Variants in OSBPL1A observed in about 807,000 individuals in gnomAD.
The protein encoded by OSBPL1A is oxysterol-binding protein-related protein 1.
In OSBPL1A, 80 loss-of-function variants were observed where a neutral mutation model predicts 137.1. That is an observed-to-expected ratio of 0.58 (90% CI 0.49 to 0.70). OSBPL1A has a LOEUF of 0.70. Ranked by LOEUF, OSBPL1A falls within the 30% of genes least tolerant of loss-of-function variation. The pLI is 0.00. For synonymous variants in OSBPL1A, 365 were observed against 389.7 expected (o/e 0.94, Z 0.75); for missense variants, 970 against 1,129.4 (o/e 0.86, Z 2.02).
At chr18:24,235,702 T>C (rs1029047164) in intron 16 of OSBPL1A, among the ~76,000 whole-genome samples, 9 of 152,214 alleles carry the variant, frequency 5.9e-5, no homozygotes, top group Admixed American at 4.6e-4. Context: ...CAGCTGAATA[T>C]GTAAGTCTCT....
intron 1 of OSBPL1A, among the ~76,000 whole-genome samples, chr18:24,395,283 A>T (rs1334729471): frequency 6.6e-6 from 1 of 152,200 alleles, no homozygotes; most frequent in African/African-American, 2.4e-5. Context: ...TTGATATCAT[A>T]TTCTCTCTTC....
intron 4 of OSBPL1A, among the ~76,000 whole-genome samples, chr18:24,342,918 A>C (rs1167054084): frequency 6.6e-6 from 1 of 152,132 alleles, no homozygotes; most frequent in Non-Finnish European, 1.5e-5. Context: ...GTTTTTTAAA[A>C]TATCCTAATA....
chr18:24,237,559 C>T (rs947202633), intron 16 of OSBPL1A, among the ~76,000 whole-genome samples: 5 of 152,186 alleles, frequency 3.3e-5, no homozygotes, highest in Non-Finnish European at 5.9e-5. Context: ...CCTGCCTTGG[C>T]CTCCCAAAGT....
chr18:24,175,108 G>GTATATATATATATATATATA (rs71163664), intron 21 of OSBPL1A, among the ~76,000 whole-genome samples: 2 of 111,530 alleles, frequency 1.8e-5, no homozygotes, highest in Non-Finnish European at 3.3e-5. Flanking sequence ...CCATGTGTAT[G>GTATATATATATATATATATA]TATATATATA....
Position 24,318,786 on chromosome 18 carries a change from G to A in OSBPL1A, c.649C>T (p.Gln217Ter), listed in dbSNP as rs1239548965. 1 of 1,613,358 alleles carries A rather than the reference G, an allele frequency of 6.2e-7. No homozygotes were observed. Among genetic ancestry groups the A allele is most frequent in the East Asian group, 2.2e-5 (1 of 44,854 alleles). Residue 217 changes from glutamine to a stop codon, truncating the protein, a stop_gained, in exon 8 of 28, where the codon CAG becomes TAG. Coordinates refer to ENST00000319481, the MANE Select transcript of OSBPL1A (RefSeq NM_080597.4). LOFTEE classifies it high-confidence loss of function. ...AGAATGTGTTTCATTTCAGCACCCT[G>A]GGCAAGGTCAAGAGGTTTCTGATCT... ...KNDQKPLDLA[Q>*]GAEMKHILVG...
chr18:24,225,522 C>T (rs2088045298), intron 16 of OSBPL1A, among the ~76,000 whole-genome samples: 1 of 152,104 alleles, frequency 6.6e-6, no homozygotes, highest in South Asian at 2.1e-4. Context: ...CTCTTTCTTC[C>T]CTCACAAAGC....
At position 24,196,169 on chromosome 18, in the gene OSBPL1A, T is replaced by C. The variant is rs752309580; in HGVS notation, c.1633A>G (p.Asn545Asp). ...AGGATGCTCCAGATACTGAAGTCATTTCTGGAAAACATAGGAGAAGGCAAA... is the reference window on the plus strand; with the variant it reads ...AGGATGCTCCAGATACTGAAGTCATCTCTGGAAAACATAGGAGAAGGCAAA... Reference protein sequence around the residue: ...TSLPSPMFSRNDFSIWSILRK... With the variant: ...TSLPSPMFSRDDFSIWSILRK... The change falls in exon 18 of 28, where the codon AAT becomes GAT. Residue 545 changes from asparagine to aspartate, a missense_variant. Physicochemically the swap from Asn to Asp is conservative, Grantham distance 23. Transcript: ENST00000319481. 1 of 1,611,464 alleles carries C rather than the reference T, an allele frequency of 6.2e-7. No homozygotes were observed. Among genetic ancestry groups the C allele is most frequent in the South Asian group, 1.1e-5 (1 of 91,030 alleles).
intron 7 of OSBPL1A, among the ~76,000 whole-genome samples, chr18:24,325,235 C>G (rs894103593): frequency 4.6e-5 from 7 of 152,194 alleles, no homozygotes; most frequent in Admixed American, 6.5e-5. Flanking sequence ...AACACACACT[C>G]TCACATTCAC....
At chr18:24,180,644 G>A (rs904284264) in intron 19 of OSBPL1A, among the ~76,000 whole-genome samples, 1 of 152,184 alleles carries the variant, frequency 6.6e-6, no homozygotes, top group Non-Finnish European at 1.5e-5. Flanking sequence ...GGAGGCCCAG[G>A]CGGGTGGATC....
intron 15 of OSBPL1A, among the ~76,000 whole-genome samples, chr18:24,246,654 G>T (rs1039986907): frequency 6.6e-6 from 1 of 151,978 alleles, no homozygotes; most frequent in African/African-American, 2.4e-5. Context: ...AGCCAAGCAT[G>T]GTGGTACATG....
At chr18:24,322,471 A>T (rs1197399738) in intron 7 of OSBPL1A, among the ~76,000 whole-genome samples, 1 of 151,984 alleles carries the variant, frequency 6.6e-6, no homozygotes, top group Non-Finnish European at 1.5e-5. Flanking sequence ...AGAGCTGCTG[A>T]TGGGGAACCT....
At chr18:24,282,876 A>AG (rs1183958725) in intron 14 of OSBPL1A, among the ~76,000 whole-genome samples, 2 of 152,166 alleles carry the variant, frequency 1.3e-5, no homozygotes, top group Non-Finnish European at 2.9e-5. Context: ...TGAGAGGCCA[A>AG]GGTAAAAGGA....
chr18:24,173,608 T>C (rs1237723429), intron 21 of OSBPL1A, among the ~76,000 whole-genome samples: 2 of 152,188 alleles, frequency 1.3e-5, no homozygotes, highest in African/African-American at 2.4e-5. Context: ...AGATGGGTTT[T>C]TGCCATATTG....
chr18:24,168,061 G>A (rs1490248781), intron 24 of OSBPL1A, among the ~76,000 whole-genome samples: 1 of 152,086 alleles, frequency 6.6e-6, no homozygotes, highest in Non-Finnish European at 1.5e-5. Context: ...ATGTTTTTAA[G>A]GCTGTTTCCT....
At chr18:24,225,018 G>C in intron 17 of OSBPL1A, 24 bp downstream of exon 17, 1 of 1,613,048 alleles carries the variant, frequency 6.2e-7, no homozygotes, top group Non-Finnish European at 8.5e-7. Context: ...ACGCAGCAGT[G>C]ACAACTGTCA....
chr18:24,369,442 T>A (rs1343074635), intron 2 of OSBPL1A, among the ~76,000 whole-genome samples: 2 of 152,196 alleles, frequency 1.3e-5, no homozygotes. Context: ...AATCCCAAAG[T>A]CACCTGCCTT....
intron 17 of OSBPL1A, among the ~76,000 whole-genome samples, chr18:24,200,764 C>CA (rs1447293366): frequency 2.0e-5 from 3 of 151,670 alleles, no homozygotes; most frequent in Non-Finnish European, 2.9e-5. Context: ...CAAGAACAGA[C>CA]AAAAAATAGT....
chr18:24,319,892 C>A (rs964770511), intron 7 of OSBPL1A, among the ~76,000 whole-genome samples: 1 of 151,902 alleles, frequency 6.6e-6, no homozygotes, highest in African/African-American at 2.4e-5. Context: ...CAACTATAAT[C>A]CCAGTACTCT....
intron 1 of OSBPL1A, among the ~76,000 whole-genome samples, chr18:24,395,252 T>C (rs750771291): frequency 1.3e-5 from 2 of 152,234 alleles, no homozygotes; most frequent in African/African-American, 2.4e-5. Flanking sequence ...TTCTGAAGGA[T>C]ATCAAGTTTC....
Sources: gnomAD v4.1 joint callset for allele counts (sites outside exome capture counted in the v4.1 genomes callset) on GRCh38, gnomAD v4.1.1 for gene constraint, MANE v1.5 for transcripts, NCBI Gene and HGNC (gene_info 2026-07-23, HGNC 2026-07-21) for gene names.